RAB3C: variants seen among roughly 807,000 people sequenced by gnomAD.
RAB3C encodes the protein ras-related protein Rab-3C.
Under a neutral mutation model 26.4 loss-of-function variants are expected in RAB3C, and 17 were observed. That is an observed-to-expected ratio of 0.64 (90% CI 0.44 to 0.97). The LOEUF (loss-of-function observed/expected upper bound fraction) is 0.97, where lower values mean the gene tolerates loss of function less well. Among genes scored for constraint, RAB3C ranks in the 50% least tolerant of loss-of-function variants. The pLI is 0.00. For missense variants in RAB3C, 242 were observed against 281.9 expected, an observed-to-expected ratio of 0.86 and a Z score of 1.01; for synonymous variants, 91 against 95.9, an observed-to-expected ratio of 0.95 and a Z score of 0.30.
chr5:58,825,608 T>C (rs1395076846), intron 4 of RAB3C, among the ~76,000 whole-genome samples: 7 of 152,316 alleles, frequency 4.6e-5, no homozygotes, highest in South Asian at 2.1e-4. Context: ...TGATAAGCCA[T>C]GTTACTGTTA....
chr5:58,710,894 C>T lies in RAB3C; in HGVS notation c.253-15108C>T, dbSNP rs546624539. On this transcript the variant is annotated intron_variant, in intron 2 of 4. Coordinates refer to ENST00000282878, the MANE Select transcript of RAB3C (RefSeq NM_138453.4). ...TTTCTATCTATTTTAGGGAGTTCATCACCAGACATAATACTTACTGATTCT... is the reference window on the plus strand; with the variant it reads ...TTTCTATCTATTTTAGGGAGTTCATTACCAGACATAATACTTACTGATTCT... Among the ~76,000 whole-genome samples the T allele has an allele frequency of 1.2e-4, 18 of 152,232 alleles. No homozygotes were observed. The South Asian group carries it at 2.3e-3, about 19-fold the overall frequency.
At chr5:58,591,615 T>C (rs1746129294) in intron 1 of RAB3C, among the ~76,000 whole-genome samples, 2 of 148,748 alleles carry the variant, frequency 1.3e-5, no homozygotes, top group South Asian at 4.2e-4. Context: ...TATAATTTTA[T>C]TTATTTTCAA....
intron 1 of RAB3C, among the ~76,000 whole-genome samples, chr5:58,596,656 C>T (rs1328379018): frequency 1.2e-4 from 7 of 56,156 alleles, no homozygotes; most frequent in Non-Finnish European, 2.3e-4. Context: ...ATATATAATA[C>T]ATAATATATT....
intron 2 of RAB3C, among the ~76,000 whole-genome samples, chr5:58,634,543 C>T (rs1747249071): frequency 1.3e-5 from 2 of 152,186 alleles, no homozygotes; most frequent in African/African-American, 2.4e-5. Context: ...CACAGAACCT[C>T]ATAAATGGTA....
intron 3 of RAB3C, among the ~76,000 whole-genome samples, chr5:58,775,525 G>A (rs943628877): frequency 1.3e-5 from 2 of 152,078 alleles, no homozygotes; most frequent in South Asian, 2.1e-4. Context: ...GTGAGTGAAG[G>A]TGGATGGAAA....
intron 2 of RAB3C, among the ~76,000 whole-genome samples, chr5:58,722,544 A>G (rs1269614800): frequency 2.0e-5 from 3 of 151,928 alleles, no homozygotes; most frequent in Non-Finnish European, 2.9e-5. Context: ...CAAATGTGGG[A>G]AAATTTTAAA....
At chr5:58,684,102 G>A (rs1374386220) in intron 2 of RAB3C, among the ~76,000 whole-genome samples, 2 of 152,052 alleles carry the variant, frequency 1.3e-5, no homozygotes. Context: ...ACATGCATCT[G>A]CACTGAACAT....
At chr5:58,592,511 T>C (rs1451633829) in intron 1 of RAB3C, among the ~76,000 whole-genome samples, 3 of 152,178 alleles carry the variant, frequency 2.0e-5, no homozygotes, top group Non-Finnish European at 2.9e-5. Context: ...CTTTCACCTA[T>C]GTACCATTTC....
chr5:58,704,609 G>T (rs1294688408), intron 2 of RAB3C, among the ~76,000 whole-genome samples: 1 of 151,986 alleles, frequency 6.6e-6, no homozygotes, highest in Non-Finnish European at 1.5e-5. Context: ...AATGTATCTG[G>T]GGTTGAGATT....
At chr5:58,847,823 G>A (rs988650056) in intron 4 of RAB3C, among the ~76,000 whole-genome samples, 2 of 152,016 alleles carry the variant, frequency 1.3e-5, no homozygotes, top group African/African-American at 2.4e-5. Context: ...CAGCATATCT[G>A]GTCAATGAGA....
intron 2 of RAB3C, among the ~76,000 whole-genome samples, chr5:58,668,608 G>A (rs1210021140): frequency 6.6e-6 from 1 of 151,956 alleles, no homozygotes; most frequent in African/African-American, 2.4e-5. Context: ...CATAATCAGG[G>A]TCAAATCAGA....
At chr5:58,761,721 T>C (rs910587920) in intron 3 of RAB3C, among the ~76,000 whole-genome samples, 1 of 152,190 alleles carries the variant, frequency 6.6e-6, no homozygotes, top group African/African-American at 2.4e-5. Context: ...TAAATGCTCA[T>C]TGATTTTTAA....
At chr5:58,675,294 T>A (rs997950321) in intron 2 of RAB3C, among the ~76,000 whole-genome samples, 1 of 152,092 alleles carries the variant, frequency 6.6e-6, no homozygotes, top group African/African-American at 2.4e-5. Context: ...AAGAGAAACA[T>A]TTTTTCTCCA....
At chr5:58,742,141 T>C (rs1485259740) in intron 3 of RAB3C, 3 of 152,228 alleles carry the variant, frequency 2.0e-5, no homozygotes, top group Admixed American at 6.5e-5. Flanking sequence ...AAGCCATGCC[T>C]ACCTGTCTCC....
At chr5:58,665,384 G>A (rs555889974) in intron 2 of RAB3C, among the ~76,000 whole-genome samples, 3 of 152,190 alleles carry the variant, frequency 2.0e-5, no homozygotes, top group South Asian at 2.1e-4. Context: ...AATGTTTTGC[G>A]TGCAAATTTG....
rs530854885 is a variant in RAB3C, at chr5:58,755,513, A to C, written c.371+29393A>C. On this transcript the variant is annotated intron_variant, in intron 3 of 4. Transcript: ENST00000282878. ...GTACCTCCATAGGCTACTGCAAGAG[A>C]GTACTAGGGGCTAGACAAGACTACA... Among the ~76,000 whole-genome samples, 31 of 152,254 alleles carry C rather than the reference A, an allele frequency of 2.0e-4. 2 individuals carry two copies. The highest frequency in any genetic ancestry group is 7.2e-4 in the African/African-American group (30 of 41,554).
intron 4 of RAB3C, among the ~76,000 whole-genome samples, chr5:58,825,498 T>A (rs1439627032): frequency 6.6e-6 from 1 of 152,172 alleles, no homozygotes; most frequent in African/African-American, 2.4e-5. Context: ...TTCAGTGAGC[T>A]CTTTATTTTA....
chr5:58,583,039 CA>C, upstream of RAB3C: 5 of 1,449,464 alleles, frequency 3.4e-6, no homozygotes, highest in Non-Finnish European at 3.6e-6. Context: ...GGCTCCTCGG[CA>C]GTACGCGTGT....
At position 58,660,658 on chromosome 5, in the gene RAB3C, C is replaced by T. The variant is rs1321741529; in HGVS notation, c.252+42788C>T. Reference sequence around the variant, plus strand: ...TTAATGCCAACAAGATAGACCAACGCTGATTAGTGACTTAAAGGAATATAT... The same window carrying T: ...TTAATGCCAACAAGATAGACCAACGTTGATTAGTGACTTAAAGGAATATAT... On this transcript the variant is annotated intron_variant, in intron 2 of 4. Coordinates refer to ENST00000282878, the MANE Select transcript of RAB3C (RefSeq NM_138453.4). 7.3e-5 allele frequency among the ~76,000 whole-genome samples: 11 copies of T among 150,330 alleles called. 2 individuals carry two copies. Among genetic ancestry groups the T allele is most frequent in the African/African-American group, 2.8e-4 (11 of 39,658 alleles).
Sources: gnomAD v4.1 joint callset for allele counts (sites outside exome capture counted in the v4.1 genomes callset) on GRCh38, gnomAD v4.1.1 for gene constraint, MANE v1.5 for transcripts, NCBI Gene and HGNC (gene_info 2026-07-23, HGNC 2026-07-21) for gene names.